Variants in UBE2H observed in about 807,000 individuals in gnomAD.
The protein encoded by UBE2H is ubiquitin-conjugating enzyme E2 H.
UBE2H carries 3 observed loss-of-function variants against 29.0 expected under a neutral mutation model. That is an observed-to-expected ratio of 0.10 (90% CI 0.05 to 0.27). UBE2H has a LOEUF of 0.27. Among genes scored for constraint, UBE2H ranks in the 10% least tolerant of loss-of-function variants. The pLI, the probability that UBE2H is intolerant of heterozygous loss-of-function variation, is 1.00. For missense variants in UBE2H, 68 were observed against 228.2 expected (o/e 0.30, Z 4.52); for synonymous variants, 69 against 82.9 (o/e 0.83, Z 0.91).
At position 129,831,299 on chromosome 7, in the gene UBE2H, T is replaced by G. The variant is rs1805222289; in HGVS notation, c.*3638A>C. 1 of 152,270 alleles carries G rather than the reference T, an allele frequency of 6.6e-6. No homozygotes were observed. The highest frequency in any genetic ancestry group is 1.5e-5 in the Non-Finnish European group (1 of 68,044). The allele number at this position is 152,270 out of a possible 1,614,324, so 9.4% of individuals were successfully genotyped here. A position where few individuals can be genotyped will look rare whatever the true frequency, so the allele number is the denominator to read the frequency against. Reference sequence around the variant, plus strand: ...AGTCGATAAAAAATCTTGCTAACTTTTTTAAATGGCTTTTACTTTTCTAAG... The same window carrying G: ...AGTCGATAAAAAATCTTGCTAACTTGTTTAAATGGCTTTTACTTTTCTAAG... On this transcript the variant is annotated 3_prime_UTR_variant, in exon 7 of 7. Coordinates refer to ENST00000355621, the MANE Select transcript of UBE2H (RefSeq NM_003344.4).
chr7:129,923,777 C>A (rs1807211155), intron 1 of UBE2H, among the ~76,000 whole-genome samples: 1 of 152,226 alleles, frequency 6.6e-6, no homozygotes. Flanking sequence ...CTAAGCCATA[C>A]TGTCTCTCTA....
intron 1 of UBE2H, among the ~76,000 whole-genome samples, chr7:129,883,757 G>C (rs189472063): frequency 1.3e-5 from 2 of 152,148 alleles, no homozygotes; most frequent in Admixed American, 6.5e-5. Context: ...CAGGAGAATC[G>C]CTTGAATCCG....
chr7:129,858,978 C>G lies in UBE2H; in HGVS notation c.206-37G>C, dbSNP rs1270176364. 1.9e-6 allele frequency: 3 copies of G among 1,548,386 alleles called. No individual in the cohort carries two copies. In the East Asian group the frequency reaches 6.8e-5, roughly 35 times the overall value. ...GATGTTAATTAGCAGCAAAAAGTAT[C>G]CAGAGAACAATAAAAGTATTTCAGT... On this transcript the variant is annotated intron_variant, in intron 3 of 6. Transcript: ENST00000355621.
intron 1 of UBE2H, among the ~76,000 whole-genome samples, chr7:129,922,524 G>A (rs553400266): frequency 4.6e-4 from 70 of 152,088 alleles, no homozygotes; most frequent in African/African-American, 1.5e-3. Context: ...TGATCCACCC[G>A]CCTCGGCTTC....
intron 6 of UBE2H, 110 bp downstream of exon 6, chr7:129,839,097 G>T: frequency 6.8e-7 from 1 of 1,480,404 alleles, no homozygotes; most frequent in Non-Finnish European, 9.0e-7. Context: ...TCTCTTTTTA[G>T]GCCTAAGAAA....
chr7:129,916,428 T>TC (rs1563045003), intron 1 of UBE2H, among the ~76,000 whole-genome samples: 1 of 137,650 alleles, frequency 7.3e-6, no homozygotes, highest in African/African-American at 2.7e-5. Context: ...TCTTCCCACT[T>TC]AAAAAAAAAA....
chr7:129,899,406 A>G (rs1265811217), intron 1 of UBE2H, among the ~76,000 whole-genome samples: 1 of 152,206 alleles, frequency 6.6e-6, no homozygotes, highest in South Asian at 2.1e-4. Context: ...TAGTAAAATA[A>G]AGTTCACCTT....
chr7:129,902,006 A>G (rs570763178), intron 1 of UBE2H, among the ~76,000 whole-genome samples: 71 of 152,328 alleles, frequency 4.7e-4, no homozygotes, highest in African/African-American at 1.6e-3. Context: ...TGATGAGACA[A>G]CAAGTAATTG....
chr7:129,858,072 T>C (rs1464590771), intron 4 of UBE2H, among the ~76,000 whole-genome samples: 3 of 152,158 alleles, frequency 2.0e-5, no homozygotes, highest in South Asian at 2.1e-4. Context: ...GACAACTAAA[T>C]GTAATGTGTG....
intron 5 of UBE2H, among the ~76,000 whole-genome samples, chr7:129,851,024 G>A (rs1298772537): frequency 1.3e-5 from 2 of 152,202 alleles, no homozygotes; most frequent in Non-Finnish European, 2.9e-5. Flanking sequence ...AAACTGAGGT[G>A]TGTAGTTACA....
chr7:129,948,018 A>G (rs1807799470), intron 1 of UBE2H, among the ~76,000 whole-genome samples: 1 of 152,114 alleles, frequency 6.6e-6, no homozygotes, highest in African/African-American at 2.4e-5. Context: ...ACGCCTGGCT[A>G]ATTTTTTATA....
chr7:129,857,149 C>T (rs912680114), intron 5 of UBE2H: 1 of 177,080 alleles, frequency 5.6e-6, no homozygotes, highest in African/African-American at 2.4e-5. Flanking sequence ...TTCAGAGGGA[C>T]ATTCCTAAGT....
intron 2 of UBE2H, among the ~76,000 whole-genome samples, chr7:129,880,058 G>GT: frequency 6.6e-6 from 1 of 152,118 alleles, no homozygotes; most frequent in South Asian, 2.1e-4. Context: ...TTCATGTCTA[G>GT]TACTGTCACA....
At chr7:129,858,089 G>A (rs1805738057) in intron 4 of UBE2H, among the ~76,000 whole-genome samples, 1 of 152,180 alleles carries the variant, frequency 6.6e-6, no homozygotes, top group Non-Finnish European at 1.5e-5. Flanking sequence ...TGTGATTCTA[G>A]ACTGGATCCT....
At chr7:129,917,820 C>T (rs1416712231) in intron 1 of UBE2H, among the ~76,000 whole-genome samples, 1 of 143,334 alleles carries the variant, frequency 7.0e-6, no homozygotes, top group Non-Finnish European at 1.6e-5. Flanking sequence ...TAGGATTCTC[C>T]TAAATTAAAA....
At chr7:129,933,863 T>C (rs1487980010) in intron 1 of UBE2H, among the ~76,000 whole-genome samples, 1 of 152,186 alleles carries the variant, frequency 6.6e-6, no homozygotes, top group African/African-American at 2.4e-5. Context: ...TAGGAAACCA[T>C]AGTTAGCCCC....
chr7:129,926,563 G>A (rs939111041), intron 1 of UBE2H, among the ~76,000 whole-genome samples: 3 of 151,434 alleles, frequency 2.0e-5, no homozygotes, highest in South Asian at 2.1e-4. Flanking sequence ...TCCCACCTCA[G>A]CCTCCTGAGT....
At chr7:129,921,266 ATT>A (rs1807156078) in intron 1 of UBE2H, among the ~76,000 whole-genome samples, 1 of 152,122 alleles carries the variant, frequency 6.6e-6, no homozygotes, top group Non-Finnish European at 1.5e-5. Context: ...GGACTCATCT[ATT>A]TAGAGACAGG....
At chr7:129,929,822 C>A (rs867361129) in intron 1 of UBE2H, among the ~76,000 whole-genome samples, 15 of 152,098 alleles carry the variant, frequency 9.9e-5, no homozygotes, top group South Asian at 4.1e-4. Flanking sequence ...CCAGCCTGGC[C>A]AACATGGTGA....
Sources: gnomAD v4.1 joint callset for allele counts (sites outside exome capture counted in the v4.1 genomes callset) on GRCh38, gnomAD v4.1.1 for gene constraint, MANE v1.5 for transcripts, NCBI Gene and HGNC (gene_info 2026-07-23, HGNC 2026-07-21) for gene names.